TBC1D5: variants seen among roughly 807,000 people sequenced by gnomAD.
TBC1D5 encodes TBC1 domain family member 5.
Under a neutral mutation model 100.3 loss-of-function variants are expected in TBC1D5, and 75 were observed. The observed-to-expected ratio is 0.75, with a 90% CI of 0.62 to 0.91. The LOEUF (loss-of-function observed/expected upper bound fraction) is 0.91. Among genes scored for constraint, TBC1D5 ranks in the 40% least tolerant of loss-of-function variants. The pLI is 0.00. For missense variants in TBC1D5, 910 were observed against 942.4 expected, an observed-to-expected ratio of 0.97 and a Z score of 0.45; for synonymous variants, 323 against 325.6, an observed-to-expected ratio of 0.99 and a Z score of 0.09.
At chr3:17,622,871 A>G (rs1284844450) in intron 2 of TBC1D5, 2 of 152,244 alleles carry the variant, frequency 1.3e-5, no homozygotes, top group Non-Finnish European at 2.9e-5. Flanking sequence ...TGCCATGGCC[A>G]AAAGAAAACA....
chr3:17,488,107 A>G (rs971501264), intron 3 of TBC1D5, among the ~76,000 whole-genome samples: 2 of 152,166 alleles, frequency 1.3e-5, no homozygotes, highest in African/African-American at 4.8e-5. Context: ...TCACTGCCCT[A>G]AAGATCTTCT....
At chr3:17,318,731 T>C (rs1157332282) in intron 13 of TBC1D5, among the ~76,000 whole-genome samples, 1 of 152,232 alleles carries the variant, frequency 6.6e-6, no homozygotes, top group Non-Finnish European at 1.5e-5. Context: ...AATTCAGTTA[T>C]GTATTTTTAA....
intron 2 of TBC1D5, among the ~76,000 whole-genome samples, chr3:17,598,839 C>T (rs1273696375): frequency 6.6e-6 from 1 of 152,268 alleles, no homozygotes; most frequent in East Asian, 1.9e-4. Flanking sequence ...TACTTTACTA[C>T]CACACTTCCT....
At chr3:17,391,217 T>G (rs535869092) in intron 8 of TBC1D5, among the ~76,000 whole-genome samples, 1 of 152,258 alleles carries the variant, frequency 6.6e-6, no homozygotes, top group East Asian at 1.9e-4. Context: ...ACGACATAGC[T>G]TCTACATGGC....
chr3:17,481,184 G>C (rs2095497349), intron 3 of TBC1D5, among the ~76,000 whole-genome samples: 1 of 152,220 alleles, frequency 6.6e-6, no homozygotes, highest in Non-Finnish European at 1.5e-5. Flanking sequence ...TCAAGCCGCA[G>C]CTTTGCACAG....
At chr3:17,523,313 T>C (rs878894290) in intron 2 of TBC1D5, among the ~76,000 whole-genome samples, 1 of 152,068 alleles carries the variant, frequency 6.6e-6, no homozygotes, top group Admixed American at 6.5e-5. Flanking sequence ...CATCAGGAAA[T>C]AGAGATGAGA....
chr3:17,481,892 C>A (rs1559984628), intron 3 of TBC1D5, among the ~76,000 whole-genome samples: 1 of 152,168 alleles, frequency 6.6e-6, no homozygotes, highest in African/African-American at 2.4e-5. Flanking sequence ...AGGCATGTGC[C>A]ACCACGCCTG....
chr3:17,208,118 A>C (rs923679056), intron 18 of TBC1D5, among the ~76,000 whole-genome samples: 12 of 152,376 alleles, frequency 7.9e-5, no homozygotes, highest in African/African-American at 2.9e-4. Flanking sequence ...GGATCCATGT[A>C]TGGTAGGTAC....
Position 17,681,960 on chromosome 3 carries a change from CTAGG to C in TBC1D5, c.-101+57379_-101+57382del, listed in dbSNP as rs1342602591. Among the ~76,000 whole-genome samples, 4 of 151,510 alleles carry C rather than the reference CTAGG, an allele frequency of 2.6e-5. 1 individual carries two copies. The highest frequency in any genetic ancestry group is 9.8e-5 in the African/African-American group (4 of 40,818). ...ACCGTGAACTGCGCATGCAAGGGAG[CTAGG>C]TTGCCTGCACCTTATGAGAATCTAA... On this transcript the variant is annotated intron_variant, in intron 1 of 21. Transcript: ENST00000253692.
At chr3:17,162,825 G>A (rs1259193687) in intron 21 of TBC1D5, among the ~76,000 whole-genome samples, 2 of 152,178 alleles carry the variant, frequency 1.3e-5, no homozygotes, top group East Asian at 1.9e-4. Flanking sequence ...AAGCTGCTGG[G>A]GAATCAACAG....
intron 3 of TBC1D5, among the ~76,000 whole-genome samples, chr3:17,473,055 T>A (rs1289108372): frequency 6.6e-6 from 1 of 152,164 alleles, no homozygotes; most frequent in East Asian, 1.9e-4. Flanking sequence ...TCCAAAAAAA[T>A]TATTTCAACT....
At chr3:17,242,315 CCTTTCTTCCT>C (rs1191076928) in intron 16 of TBC1D5, among the ~76,000 whole-genome samples, 5 of 152,068 alleles carry the variant, frequency 3.3e-5, no homozygotes, top group Non-Finnish European at 7.4e-5. Context: ...TAGTTTATCT[CCTTTCTTCCT>C]CTATGTTTAT....
At chr3:17,486,663 A>T (rs992563868) in intron 3 of TBC1D5, among the ~76,000 whole-genome samples, 1 of 152,194 alleles carries the variant, frequency 6.6e-6, no homozygotes, top group Non-Finnish European at 1.5e-5. Context: ...TAAACAGAGG[A>T]AAGATTAATA....
chr3:17,344,957 A>C (rs1575443998), intron 13 of TBC1D5, among the ~76,000 whole-genome samples: 1 of 152,198 alleles, frequency 6.6e-6, no homozygotes, highest in Non-Finnish European at 1.5e-5. Flanking sequence ...CTAAAACCAT[A>C]AAAACCCTAG....
At chr3:17,703,351 T>C (rs2073480085) in intron 1 of TBC1D5, among the ~76,000 whole-genome samples, 2 of 151,870 alleles carry the variant, frequency 1.3e-5, no homozygotes, top group African/African-American at 4.8e-5. Flanking sequence ...GCATAGAAAA[T>C]GTTCCCAAAA....
intron 16 of TBC1D5, among the ~76,000 whole-genome samples, chr3:17,247,533 C>G (rs1456967664): frequency 6.6e-6 from 1 of 152,146 alleles, no homozygotes; most frequent in Non-Finnish European, 1.5e-5. Flanking sequence ...GGTCTTGTCT[C>G]AATGTTGATG....
intron 17 of TBC1D5, among the ~76,000 whole-genome samples, chr3:17,227,678 C>G (rs148189136): frequency 2.0e-5 from 3 of 151,766 alleles, no homozygotes; most frequent in African/African-American, 7.3e-5. Context: ...AGGAGAACAA[C>G]AGACACTGGG....
chr3:17,710,229 C>T (rs1406790825), intron 1 of TBC1D5, among the ~76,000 whole-genome samples: 2 of 151,880 alleles, frequency 1.3e-5, no homozygotes, highest in Non-Finnish European at 2.9e-5. Flanking sequence ...CAGATAGAGA[C>T]CTTATGGAAC....
At chr3:17,713,244 CTT>C (rs770932378) in intron 1 of TBC1D5, among the ~76,000 whole-genome samples, 16 of 139,794 alleles carry the variant, frequency 1.1e-4, no homozygotes, top group Admixed American at 1.4e-4. Context: ...CTTTTCTTTT[CTT>C]TTTTTTTTTT....
Sources: gnomAD v4.1 joint callset for allele counts (sites outside exome capture counted in the v4.1 genomes callset) on GRCh38, gnomAD v4.1.1 for gene constraint, MANE v1.5 for transcripts, NCBI Gene and HGNC (gene_info 2026-07-23, HGNC 2026-07-21) for gene names.